Variants in TRPC5 observed in about 807,000 individuals in gnomAD.
TRPC5 encodes the protein transient receptor potential cation channel subfamily C member 5.
A neutral mutation model predicts 56.5 loss-of-function variants in TRPC5; 9 were observed. The ratio of observed to expected loss-of-function variants is 0.16; its 90% CI spans 0.10 to 0.28. TRPC5 has a LOEUF of 0.28. Ranked by LOEUF, TRPC5 falls within the 10% of genes least tolerant of loss-of-function variation. The pLI, the probability that TRPC5 is intolerant of heterozygous loss-of-function variation, is 1.00. For missense variants in TRPC5, 469 were observed against 748.9 expected (o/e 0.63, Z 4.36); for synonymous variants, 282 against 278.5 (o/e 1.01, Z -0.13).
intron 3 of TRPC5, among the ~76,000 whole-genome samples, chrX:111,892,485 G>T (rs1924853111): frequency 8.9e-6 from 1 of 112,352 alleles, no homozygotes; most frequent in African/African-American, 3.2e-5. Flanking sequence ...CATAGCCAAT[G>T]TGTAGCCCAC....
At chrX:111,999,929 G>A (rs1036452758) in intron 1 of TRPC5, among the ~76,000 whole-genome samples, 1 of 111,501 alleles carries the variant, frequency 9.0e-6, no homozygotes, top group Non-Finnish European at 1.9e-5. Flanking sequence ...TCGCACCACT[G>A]CACTCCAGCC....
chrX:111,866,588 G>C (rs980511522), intron 3 of TRPC5, among the ~76,000 whole-genome samples: 5 of 112,761 alleles, frequency 4.4e-5, no homozygotes, highest in African/African-American at 1.6e-4. Flanking sequence ...TTGACATAAA[G>C]CTGTGTTGTC....
At chrX:111,809,087 C>T (rs972440289) in intron 7 of TRPC5, among the ~76,000 whole-genome samples, 3 of 109,902 alleles carry the variant, frequency 2.7e-5, no homozygotes, top group Non-Finnish European at 5.7e-5. Context: ...AGGGGTCTTA[C>T]CTGGAGCTAT....
chrX:111,965,942 T>C (rs761386942), intron 1 of TRPC5, among the ~76,000 whole-genome samples: 34 of 111,240 alleles, frequency 3.1e-4, no homozygotes, highest in African/African-American at 9.2e-4. Context: ...AGCAAACACA[T>C]TCAAAAGCTA....
chrX:112,073,290 G>A (rs1930757623), intron 1 of TRPC5, among the ~76,000 whole-genome samples: 1 of 111,035 alleles, frequency 9.0e-6, no homozygotes, highest in Non-Finnish European at 1.9e-5. Flanking sequence ...GTTTTTTAGA[G>A]ACGGAGTCTC....
At chrX:111,839,785 T>C (rs758293322) in intron 6 of TRPC5, among the ~76,000 whole-genome samples, 1 of 111,390 alleles carries the variant, frequency 9.0e-6, no homozygotes, top group African/African-American at 3.3e-5. Flanking sequence ...GGCACAATTA[T>C]TGCTCGCTGC....
At chrX:111,892,501 A>G (rs750152801) in intron 3 of TRPC5, among the ~76,000 whole-genome samples, 1 of 112,231 alleles carries the variant, frequency 8.9e-6, no homozygotes, top group Non-Finnish European at 1.9e-5. Flanking sequence ...CCCACAATAT[A>G]GTTAGCTTTC....
At chrX:111,972,015 T>C (rs1384789271) in intron 1 of TRPC5, among the ~76,000 whole-genome samples, 1 of 111,804 alleles carries the variant, frequency 8.9e-6, no homozygotes, top group African/African-American at 3.2e-5. Context: ...TTCTCCCAGA[T>C]ACCCATCGCA....
chrX:111,966,147 A>G (rs1288386898), intron 1 of TRPC5, among the ~76,000 whole-genome samples: 1 of 111,863 alleles, frequency 8.9e-6, no homozygotes, highest in Non-Finnish European at 1.9e-5. Context: ...TAAAGGGGAT[A>G]TCACCACCGA....
At position 111,852,282 on chromosome X, in the gene TRPC5, A is replaced by G; in HGVS notation, c.1377+16T>C. 8.3e-7 allele frequency: 1 copy of G among 1,203,910 alleles called. No homozygotes were observed. The highest frequency in any genetic ancestry group is 1.1e-6 in the Non-Finnish European group (1 of 891,578). On this transcript the variant is annotated intron_variant, in intron 5 of 10. Transcript: ENST00000262839. ...AAAATCGCTGTGTAGGAAATATGGCAGACATTCCAATTTACCTTGACATAG... is the reference window on the plus strand; with the variant it reads ...AAAATCGCTGTGTAGGAAATATGGCGGACATTCCAATTTACCTTGACATAG...
At chrX:111,825,344 T>C (rs776330228) in intron 7 of TRPC5, among the ~76,000 whole-genome samples, 13 of 107,741 alleles carry the variant, frequency 1.2e-4, no homozygotes, top group Middle Eastern at 9.4e-3. Flanking sequence ...CTCCACCTCC[T>C]GGGTTCCAGC....
At chrX:112,049,585 G>A (rs1293112083) in intron 1 of TRPC5, among the ~76,000 whole-genome samples, 3 of 108,019 alleles carry the variant, frequency 2.8e-5, no homozygotes, top group Non-Finnish European at 5.7e-5. Context: ...CCCAGGCTGG[G>A]CTCAAACTCC....
chrX:112,025,219 C>T (rs1018542249), intron 1 of TRPC5, among the ~76,000 whole-genome samples: 6 of 112,017 alleles, frequency 5.4e-5, no homozygotes, highest in East Asian at 5.6e-4. Flanking sequence ...ATAATCAAAA[C>T]GCACTGTAAA....
chrX:111,908,138 A>G (rs1430583844), intron 3 of TRPC5, among the ~76,000 whole-genome samples: 2 of 112,343 alleles, frequency 1.8e-5, no homozygotes, highest in African/African-American at 6.5e-5. Flanking sequence ...TTGAGACTCA[A>G]TGAAACCACA....
At chrX:111,903,167 T>C (rs1925440373) in intron 3 of TRPC5, 1 of 111,846 alleles carries the variant, frequency 8.9e-6, no homozygotes, top group Non-Finnish European at 1.9e-5. Flanking sequence ...AGTGTTTGCT[T>C]TGATTCTGTA....
At chrX:111,901,823 T>G (rs1925360916) in intron 3 of TRPC5, 1 of 1,046,781 alleles carries the variant, frequency 9.6e-7, no homozygotes, top group African/African-American at 1.9e-5. Context: ...TTAGTGATAT[T>G]TTATCTATTT....
At chrX:111,938,581 C>A (rs1291126499) in intron 2 of TRPC5, among the ~76,000 whole-genome samples, 1 of 111,050 alleles carries the variant, frequency 9.0e-6, no homozygotes, top group East Asian at 2.8e-4. Flanking sequence ...TGTCAAAGGC[C>A]TTTTCTGCAT....
chrX:111,906,608 G>A (rs904152019), intron 3 of TRPC5, among the ~76,000 whole-genome samples: 1 of 111,684 alleles, frequency 9.0e-6, no homozygotes, highest in African/African-American at 3.2e-5. Context: ...AAAATGTTCT[G>A]TGTGAAATAC....
In TRPC5 at chrX:112,048,006, G is replaced by A. The variant is rs904800035; in HGVS notation, c.-22+33873C>T. ...TATTTTGTTCATTTCTCTATCTCTA[G>A]CACCCAGTATTATGTCTGGCACCTA... On this transcript the variant is annotated intron_variant, in intron 1 of 10. Coordinates refer to ENST00000262839, the MANE Select transcript of TRPC5 (RefSeq NM_012471.3). Among the ~76,000 whole-genome samples, 3 of 112,097 alleles carry A rather than the reference G, an allele frequency of 2.7e-5. No homozygotes were observed. In the South Asian group the frequency reaches 1.1e-3, roughly 41 times the overall value.
Sources: allele counts gnomAD v4.1 joint callset (sites outside exome capture counted in the v4.1 genomes callset), GRCh38; gene constraint gnomAD v4.1.1; transcripts MANE v1.5; gene names NCBI Gene and HGNC (gene_info 2026-07-23, HGNC 2026-07-21).